The following CLVS1 variants were observed in gnomAD, a reference collection of about 807,000 sequenced individuals.
The protein encoded by CLVS1 is clavesin-1.
In CLVS1, 10 loss-of-function variants were observed where a neutral mutation model predicts 33.1. That is an observed-to-expected ratio of 0.30 (90% CI 0.19 to 0.51). CLVS1 has a LOEUF of 0.51. Among genes scored for constraint, CLVS1 ranks in the 20% least tolerant of loss-of-function variants. The probability of loss-of-function intolerance (pLI) is 0.97; values close to 1 mark genes in which losing one functional copy is unlikely to be tolerated. For synonymous variants in CLVS1, 163 were observed against 166.1 expected, an observed-to-expected ratio of 0.98 and a Z score of 0.14; for missense variants, 343 against 433.4, an observed-to-expected ratio of 0.79 and a Z score of 1.85.
At chr8:61,082,049 C>G (rs1468610838) in intron 1 of CLVS1, among the ~76,000 whole-genome samples, 2 of 151,982 alleles carry the variant, frequency 1.3e-5, no homozygotes, top group African/African-American at 4.8e-5. Context: ...ACGGTAAGGG[C>G]TCTAATTGAA....
chr8:61,263,256 C>T (rs921298561), intron 2 of CLVS1, among the ~76,000 whole-genome samples: 6 of 152,144 alleles, frequency 3.9e-5, no homozygotes, highest in African/African-American at 1.4e-4. Flanking sequence ...TTATATGTTG[C>T]TATTTTTTAC....
chr8:61,339,827 AGC>A (rs1044427072), intron 2 of CLVS1, among the ~76,000 whole-genome samples: 29 of 150,456 alleles, frequency 1.9e-4, no homozygotes, highest in Non-Finnish European at 2.4e-4. Context: ...GGAAAGAAAG[AGC>A]GAGAAAGGAA....
At chr8:60,985,790 G>C in the CLVS1 span, among the ~76,000 whole-genome samples, 1 of 148,014 alleles carries the variant, frequency 6.8e-6, no homozygotes, top group African/African-American at 2.5e-5. Context: ...GGTGGAATTA[G>C]AGGGCTGCTG....
At chr8:61,404,792 A>T (rs1814918911) in intron 3 of CLVS1, among the ~76,000 whole-genome samples, 1 of 152,202 alleles carries the variant, frequency 6.6e-6, no homozygotes, top group South Asian at 2.1e-4. Context: ...GAACTTCAGG[A>T]ATTTGGTACT....
chr8:61,467,299 T>C (rs959462659), intron 5 of CLVS1, among the ~76,000 whole-genome samples: 2 of 152,162 alleles, frequency 1.3e-5, no homozygotes, highest in Non-Finnish European at 2.9e-5. Context: ...AGGTTAGATA[T>C]CACAATTGTT....
chr8:61,350,302 T>C (rs1346104263), intron 2 of CLVS1, among the ~76,000 whole-genome samples: 1 of 152,174 alleles, frequency 6.6e-6, no homozygotes, highest in Non-Finnish European at 1.5e-5. Flanking sequence ...TTTGGGTCAT[T>C]GCTGACTTCT....
chr8:61,015,590 T>A, the CLVS1 span, among the ~76,000 whole-genome samples: 1 of 152,116 alleles, frequency 6.6e-6, no homozygotes, highest in Non-Finnish European at 1.5e-5. Context: ...ACAGGACAGA[T>A]CTTAGATTTC....
chr8:61,018,344 A>G, the CLVS1 span, among the ~76,000 whole-genome samples: 1 of 152,226 alleles, frequency 6.6e-6, no homozygotes, highest in Non-Finnish European at 1.5e-5. Context: ...CTAATATTTT[A>G]TATCTAGAAT....
At chr8:61,353,426 A>G (rs1812555631) in intron 2 of CLVS1, among the ~76,000 whole-genome samples, 1 of 152,024 alleles carries the variant, frequency 6.6e-6, no homozygotes, top group Non-Finnish European at 1.5e-5. Flanking sequence ...TGGAAATTAA[A>G]CATACACTTC....
intron 3 of CLVS1, among the ~76,000 whole-genome samples, chr8:61,431,788 A>G (rs944646795): frequency 6.6e-6 from 1 of 152,218 alleles, no homozygotes; most frequent in South Asian, 2.1e-4. Context: ...CACTCGATAT[A>G]TAGGTTACAT....
chr8:61,396,738 T>C (rs532352797), intron 3 of CLVS1, among the ~76,000 whole-genome samples: 10 of 152,226 alleles, frequency 6.6e-5, no homozygotes, highest in Non-Finnish European at 1.3e-4. Context: ...GTCTACTTTC[T>C]GTTTCTACAG....
intron 3 of CLVS1, among the ~76,000 whole-genome samples, chr8:61,452,926 C>A (rs1437384622): frequency 6.6e-6 from 1 of 151,968 alleles, no homozygotes; most frequent in African/African-American, 2.4e-5. Context: ...CCTGGGGATC[C>A]TGTAGACTCA....
chr8:61,421,100 T>C (rs1050518802), intron 3 of CLVS1, among the ~76,000 whole-genome samples: 4 of 152,154 alleles, frequency 2.6e-5, no homozygotes, highest in African/African-American at 9.7e-5. Flanking sequence ...TGAGGTGCAT[T>C]AGAGGTGGTT....
intron 2 of CLVS1, among the ~76,000 whole-genome samples, chr8:61,166,119 C>T (rs1018914435): frequency 7.9e-5 from 11 of 140,124 alleles, no homozygotes; most frequent in Non-Finnish European, 1.5e-4. Flanking sequence ...GCTTAAAAGC[C>T]CTTATTTATT....
intron 1 of CLVS1, among the ~76,000 whole-genome samples, chr8:61,114,600 C>A (rs542107947): frequency 1.1e-4 from 17 of 152,238 alleles, no homozygotes; most frequent in Non-Finnish European, 2.1e-4. Context: ...CCCCTTTGAG[C>A]AAGATGGTGA....
intron 2 of CLVS1, among the ~76,000 whole-genome samples, chr8:61,182,239 C>T (rs1369850605): frequency 1.3e-5 from 2 of 152,114 alleles, no homozygotes; most frequent in Non-Finnish European, 2.9e-5. Context: ...TAGAAGAAAA[C>T]CCAGGCAATA....
At position 61,217,972 on chromosome 8, in the gene CLVS1, G is replaced by T. The variant is rs147838990; in HGVS notation, c.-151-81705G>T. ...GTAAAGTATCATTTCACCCCAGTTA[G>T]GATGACTATTATCAAAAAGACAAAA... On this transcript the variant is annotated intron_variant, in intron 2 of 2. Coordinates refer to the CLVS1 transcript ENST00000522621. Among the ~76,000 whole-genome samples, 220 of 152,250 alleles carry T rather than the reference G, an allele frequency of 1.4e-3. 2 individuals carry two copies. The highest frequency in any genetic ancestry group is 3.8e-3 in the Admixed American group (58 of 15,294).
chr8:61,117,994 T>C (rs1805767650), intron 1 of CLVS1, among the ~76,000 whole-genome samples: 1 of 152,214 alleles, frequency 6.6e-6, no homozygotes, highest in African/African-American at 2.4e-5. Context: ...TGTGAATCCA[T>C]CTGGTCCTGG....
chr8:61,191,527 C>G (rs1357206462), intron 2 of CLVS1, among the ~76,000 whole-genome samples: 12 of 152,006 alleles, frequency 7.9e-5, no homozygotes, highest in Non-Finnish European at 1.6e-4. Flanking sequence ...CTGGCCAGGG[C>G]AATTAGGCAG....
Sources: allele counts gnomAD v4.1 joint callset (sites outside exome capture counted in the v4.1 genomes callset), GRCh38; gene constraint gnomAD v4.1.1; transcripts MANE v1.5; gene names NCBI Gene and HGNC (gene_info 2026-07-23, HGNC 2026-07-21).